The following ADAMTSL1 variants were observed in gnomAD, a reference collection of about 807,000 sequenced individuals.
ADAMTSL1 encodes ADAMTS like 1, also known as ADAMTS-like protein 1.
Under a neutral mutation model 201.8 loss-of-function variants are expected in ADAMTSL1, and 126 were observed. That is an observed-to-expected ratio of 0.62 (90% CI 0.54 to 0.72). The LOEUF is 0.72. Ranked by LOEUF, ADAMTSL1 falls within the 30% of genes least tolerant of loss-of-function variation. The pLI, the probability that ADAMTSL1 is intolerant of heterozygous loss-of-function variation, is 0.00. For synonymous variants in ADAMTSL1, 1,121 were observed against 903.4 expected, an observed-to-expected ratio of 1.24 and a Z score of -4.32; for missense variants, 2,679 against 2,277.8, an observed-to-expected ratio of 1.18 and a Z score of -3.59.
chr9:18,575,173 TA>T (rs747970943), intron 4 of ADAMTSL1, among the ~76,000 whole-genome samples: 24 of 152,198 alleles, frequency 1.6e-4, no homozygotes, highest in Non-Finnish European at 2.6e-4. Flanking sequence ...GTTTCAAATT[TA>T]TTTTTTTAAA....
intron 3 of ADAMTSL1, among the ~76,000 whole-genome samples, chr9:18,545,189 C>A (rs1187577781): frequency 6.6e-6 from 1 of 152,104 alleles, no homozygotes; most frequent in African/African-American, 2.4e-5. Flanking sequence ...GACCTTTTGC[C>A]CCAAACTCAT....
Position 18,189,487 on chromosome 9 carries a change from A to G in ADAMTSL1, c.207+25506A>G, listed in dbSNP as rs561543133. Among the ~76,000 whole-genome samples, 30 of 152,286 alleles carry G rather than the reference A, an allele frequency of 2.0e-4. No homozygotes were observed. In the South Asian group the frequency reaches 5.4e-3, roughly 27 times the overall value. On this transcript the variant is annotated intron_variant, in intron 2 of 29. Transcript: ENST00000680146. ...AAATTCTTATATCAGGCCAGTTCCT[A>G]CAAACCTAAGAAGCCTTTTTATATA...
chr9:18,671,830 G>A (rs1379317633), intron 9 of ADAMTSL1, among the ~76,000 whole-genome samples: 1 of 152,142 alleles, frequency 6.6e-6, no homozygotes, highest in Non-Finnish European at 1.5e-5. Context: ...GAGGGCAGGA[G>A]ATCGAGACCA....
At chr9:18,359,836 C>CCG (rs1356908107) in intron 2 of ADAMTSL1, among the ~76,000 whole-genome samples, 1 of 113,918 alleles carries the variant, frequency 8.8e-6, no homozygotes, top group Non-Finnish European at 1.8e-5. Context: ...CGCCCCCCCG[C>CCG]CCACACAAAA....
At chr9:18,067,423 T>G (rs1351979712) in intron 1 of ADAMTSL1, among the ~76,000 whole-genome samples, 1 of 152,236 alleles carries the variant, frequency 6.6e-6, no homozygotes, top group Non-Finnish European at 1.5e-5. Context: ...CTAGAGGGCC[T>G]TTTGCCATAT....
In ADAMTSL1 at chr9:18,301,902, A is replaced by G. The variant is rs114771690; in HGVS notation, c.207+137921A>G. Among the ~76,000 whole-genome samples the G allele has an allele frequency of 4.9e-4, 74 of 152,304 alleles. 1 individual carries two copies. The highest frequency in any genetic ancestry group is 1.8e-3 in the African/African-American group (73 of 41,574). ...TACATTATTTTGATAAAAATAGAAC[A>G]TTATTTGAATTTTAACTGCTAAATA... On this transcript the variant is annotated intron_variant, in intron 2 of 29. Transcript: ENST00000680146.
rs973049500 is a variant in ADAMTSL1, at chr9:17,957,567, A to G, written c.87+50645A>G. 2.6e-5 allele frequency among the ~76,000 whole-genome samples: 4 copies of G among 152,202 alleles called. No individual in the cohort carries two copies. The South Asian group carries it at 8.3e-4, about 32-fold the overall frequency. ...TGGGTCAATCTCCAAAGGGAAGGTA[A>G]GTGATAAATCAGGTGGGACCTTTGT... is the stretch of plus-strand genomic sequence containing the variant. On this transcript the variant is annotated intron_variant, in intron 1 of 29. Coordinates refer to the ADAMTSL1 transcript ENST00000680146.
intron 3 of ADAMTSL1, among the ~76,000 whole-genome samples, chr9:18,544,593 A>G (rs1192647904): frequency 6.6e-6 from 1 of 152,114 alleles, no homozygotes; most frequent in Non-Finnish European, 1.5e-5. Context: ...CCATTGAGTG[A>G]TATGAGCTGG....
chr9:17,977,737 G>T (rs149787619), intron 1 of ADAMTSL1, among the ~76,000 whole-genome samples: 2 of 151,944 alleles, frequency 1.3e-5, no homozygotes, highest in Admixed American at 6.6e-5. Flanking sequence ...TCTGCAGAAG[G>T]TTTTGTGTGT....
At chr9:18,884,442 C>CATTTGTTGCCTATAT (rs1273271153) in intron 23 of ADAMTSL1, among the ~76,000 whole-genome samples, 1 of 152,044 alleles carries the variant, frequency 6.6e-6, no homozygotes, top group African/African-American at 2.4e-5. Flanking sequence ...TTTATTTTTT[C>CATTTGTTGCCTATAT]ATTTGTTGCC....
chr9:18,382,186 G>A (rs1431898319), intron 2 of ADAMTSL1, among the ~76,000 whole-genome samples: 7 of 152,138 alleles, frequency 4.6e-5, no homozygotes, highest in East Asian at 1.9e-4. Flanking sequence ...ACCACTTACC[G>A]TGATTATGTG....
chr9:18,530,176 C>G (rs185020544), intron 2 of ADAMTSL1, among the ~76,000 whole-genome samples: 33 of 152,232 alleles, frequency 2.2e-4, no homozygotes, highest in Admixed American at 1.9e-3. Context: ...GTGATCCTAA[C>G]TTTGTGCATA....
At chr9:18,133,813 T>A (rs138306539) in intron 1 of ADAMTSL1, among the ~76,000 whole-genome samples, 368 of 152,258 alleles carry the variant, frequency 2.4e-3, no homozygotes, top group African/African-American at 8.7e-3. Context: ...TAAGAATTAC[T>A]TAAAATATTT....
chr9:18,892,069 T>A (rs1387296253), intron 25 of ADAMTSL1, among the ~76,000 whole-genome samples: 1 of 152,214 alleles, frequency 6.6e-6, no homozygotes, highest in Non-Finnish European at 1.5e-5. Context: ...CATTGTCTCC[T>A]CCTCCACCTC....
Position 18,139,930 on chromosome 9 carries a change from T to C in ADAMTSL1, c.88-23932T>C, listed in dbSNP as rs566149719. On this transcript the variant is annotated intron_variant, in intron 1 of 29. Transcript: ENST00000680146. ...CCTCTGTCTCCAGAGACTGATGAAA[T>C]TTTTAGGTTCTGGAAATTTAGAGGA... Among the ~76,000 whole-genome samples, 13 of 152,268 alleles carry C rather than the reference T, an allele frequency of 8.5e-5. 1 individual carries two copies. The South Asian group carries it at 2.5e-3, about 29-fold the overall frequency.
chr9:18,536,030 A>C (rs1819750422), intron 3 of ADAMTSL1, among the ~76,000 whole-genome samples: 1 of 152,158 alleles, frequency 6.6e-6, no homozygotes. Context: ...TTGTAGAATC[A>C]AGTTGATGCT....
chr9:18,826,313 A>G lies in ADAMTSL1; in HGVS notation c.3964A>G (p.Arg1322Gly), dbSNP rs151137759. The G allele has an allele frequency of 3.6e-4, 577 of 1,612,598 alleles. 4 individuals carry two copies. In the East Asian group the frequency reaches 9.8e-3, roughly 27 times the overall value. ...GCCTGAAGCTGAAGTCACTTGGTTC[A>G]GGAATAAAAGCAAACTGGGCTCCCC... Reference protein sequence around the residue: ...GVPEAEVTWFRNKSKLGSPHH... With the variant: ...GVPEAEVTWFGNKSKLGSPHH... The change falls in exon 22 of 29, where the codon AGG (arginine) becomes GGG (glycine). Residue 1322 changes from arginine to glycine, a missense_variant. Coordinates refer to ENST00000380548, the MANE Select transcript of ADAMTSL1 (RefSeq NM_001040272.6).
At chr9:18,157,710 G>A (rs1264829011) in intron 1 of ADAMTSL1, among the ~76,000 whole-genome samples, 1 of 151,996 alleles carries the variant, frequency 6.6e-6, no homozygotes, top group Non-Finnish European at 1.5e-5. Flanking sequence ...ATACTGAAAT[G>A]TTTTTAAGCT....
At chr9:18,298,762 G>C (rs991395733) in intron 2 of ADAMTSL1, among the ~76,000 whole-genome samples, 1 of 151,870 alleles carries the variant, frequency 6.6e-6, no homozygotes, top group Non-Finnish European at 1.5e-5. Flanking sequence ...GGTGGCTCAC[G>C]CTTGTAATCC....
Sources: gnomAD v4.1 joint callset for allele counts (sites outside exome capture counted in the v4.1 genomes callset) on GRCh38, gnomAD v4.1.1 for gene constraint, MANE v1.5 for transcripts, NCBI Gene and HGNC (gene_info 2026-07-23, HGNC 2026-07-21) for gene names.